DCLRE1A: variants seen among roughly 807,000 people sequenced by gnomAD.
The protein encoded by DCLRE1A is DNA cross-link repair 1A protein.
Under a neutral mutation model 91.9 loss-of-function variants are expected in DCLRE1A, and 64 were observed. The ratio of observed to expected loss-of-function variants is 0.70; its 90% confidence interval spans 0.57 to 0.86. DCLRE1A has a LOEUF of 0.86. Ranked by LOEUF, DCLRE1A falls within the 40% of genes least tolerant of loss-of-function variation. The pLI is 0.00. For missense variants in DCLRE1A, 1,145 were observed against 1,213.3 expected (o/e 0.94, Z 0.84); for synonymous variants, 416 against 431.1 (o/e 0.96, Z 0.43).
At chr10:113,842,560 T>C in intron 5 of DCLRE1A, 72 bp from the exon 6 acceptor site, 1 of 1,465,510 alleles carries the variant, frequency 6.8e-7, no homozygotes, top group East Asian at 2.3e-5. Context: ...GATGCTATTT[T>C]AGAAAACAAG....
chr10:113,852,934 A>G lies in DCLRE1A; in HGVS notation c.249T>C (p.Ser83=). Residue 83 remains serine (S), a synonymous_variant, in exon 1 of 9, where the codon AGT becomes AGC. Transcript: ENST00000361384. ...GGGTCTGCTGAATACCATCTCCACA[A>G]CTTGAATTCTGACTAGAAGCAACAG... is the stretch of plus-strand genomic sequence containing the variant. ...QTSVASSQNS[S]CGDGIQQTQD... is the part of the protein sequence containing the mutation. The G allele has an allele frequency of 6.2e-7, 1 of 1,614,096 alleles. No homozygotes were observed. The highest frequency in any genetic ancestry group is 8.5e-7 in the Non-Finnish European group (1 of 1,180,036).
rs575308917 is a variant in DCLRE1A, at chr10:113,844,669, C to T, written c.2379-425G>A. 2.2e-4 allele frequency among the ~76,000 whole-genome samples: 34 copies of T among 152,324 alleles called. 1 individual carries two copies. The highest frequency in any genetic ancestry group is 1.3e-3 in the East Asian group (7 of 5,190). On this transcript the variant is annotated intron_variant, in intron 4 of 8. Transcript: ENST00000361384. ...ATCAGAACTCGGCCAGGCATGGTGG[C>T]TCACGCCTGTAATCCCAGCACTTTG...
rs562897175 is a variant in DCLRE1A, at chr10:113,839,074, C to T, written c.2821-1871G>A. On this transcript the variant is annotated intron_variant, in intron 7 of 8. Transcript: ENST00000361384. ...GGCGTGGTGGCTCACGCATGTATTC[C>T]CAGCACTTTGGGAGGCCAAGGCGGG... 1.6e-4 allele frequency among the ~76,000 whole-genome samples: 24 copies of T among 152,158 alleles called. 1 individual carries two copies. The South Asian group carries it at 4.8e-3, about 30-fold the overall frequency.
Position 113,847,322 on chromosome 10 carries a change from T to C in DCLRE1A, c.2139A>G (p.Thr713=), listed in dbSNP as rs1845555744. 1 of 1,613,508 alleles carries C rather than the reference T, an allele frequency of 6.2e-7. No homozygotes were observed. The highest frequency in any genetic ancestry group is 1.3e-5 in the African/African-American group (1 of 74,928). The change falls in exon 3 of 9, where the codon ACA becomes ACG. Residue 713 remains threonine (T), a synonymous_variant. Coordinates refer to ENST00000361384, the MANE Select transcript of DCLRE1A (RefSeq NM_014881.5). ...FYKKIPGTGF[T]VDAFQYGVVE... ...CCACGCCATACTGAAAGGCATCAAC[T>C]GTAAAGCCGGTTCCTGCAATAAAAA...
chr10:113,837,556 T>G (rs1353053139), intron 7 of DCLRE1A, among the ~76,000 whole-genome samples: 5 of 152,066 alleles, frequency 3.3e-5, no homozygotes. Flanking sequence ...ATATCAACAA[T>G]GGTAAACACC....
intron 4 of DCLRE1A, 145 bp from the exon 5 acceptor site, chr10:113,844,389 T>G: frequency 9.0e-7 from 1 of 1,112,372 alleles, no homozygotes; most frequent in Non-Finnish European, 1.2e-6. Flanking sequence ...GCACTTCAAC[T>G]CAAGGAAATT....
At chr10:113,839,452 A>G (rs969809537) in intron 7 of DCLRE1A, among the ~76,000 whole-genome samples, 3 of 152,002 alleles carry the variant, frequency 2.0e-5, no homozygotes, top group Non-Finnish European at 4.4e-5. Flanking sequence ...TTGTGAATGT[A>G]TCATCTATTC....
chr10:113,845,651 A>C (rs1845524613), intron 4 of DCLRE1A, 34 bp downstream of exon 4: 7 of 1,515,484 alleles, frequency 4.6e-6, no homozygotes, highest in Non-Finnish European at 6.4e-6. Flanking sequence ...TGAACATTTA[A>C]AAAATGTGCT....
chr10:113,845,346 A>G (rs533972837), intron 4 of DCLRE1A, among the ~76,000 whole-genome samples: 1 of 152,340 alleles, frequency 6.6e-6, no homozygotes, highest in Non-Finnish European at 1.5e-5. Context: ...TAATTTATGT[A>G]AATGATAAAT....
At chr10:113,852,606 T>G in intron 1 of DCLRE1A, 117 bp downstream of exon 1, 1 of 958,844 alleles carries the variant, frequency 1.0e-6, no homozygotes, top group Non-Finnish European at 1.5e-6. Context: ...TGTTTCCCAG[T>G]GTCTCATCTC....
At chr10:113,837,722 A>G (rs1845385169) in intron 7 of DCLRE1A, among the ~76,000 whole-genome samples, 1 of 152,190 alleles carries the variant, frequency 6.6e-6, no homozygotes, top group African/African-American at 2.4e-5. Context: ...CCCTTTAAAC[A>G]TGAACTAGAT....
Position 113,852,623 on chromosome 10 carries a change from AG to A in DCLRE1A, c.460+99del, listed in dbSNP as rs2134673655. Reference sequence around the variant, plus strand: ...TTTCCCAGTGTCTCATCTCTCTTTTAGGTTACTGCTTGCCTTCCTTGTTTCA... The same window carrying A: ...TTTCCCAGTGTCTCATCTCTCTTTTAGTTACTGCTTGCCTTCCTTGTTTCA... On this transcript the variant is annotated intron_variant, in intron 1 of 8. Transcript: ENST00000361384. The A allele has an allele frequency of 2.6e-6, 3 of 1,164,534 alleles. No homozygotes were observed. In the East Asian group the frequency reaches 7.7e-5, roughly 30 times the overall value. The allele number at this position is 1,164,534 out of a possible 1,614,324, so 72.1% of individuals were successfully genotyped here. A position where few individuals can be genotyped will look rare whatever the true frequency, so the allele number is the denominator to read the frequency against.
intron 7 of DCLRE1A, among the ~76,000 whole-genome samples, chr10:113,839,275 A>G (rs1321023050): frequency 6.7e-6 from 1 of 150,196 alleles, no homozygotes; most frequent in East Asian, 1.9e-4. Flanking sequence ...CAGTGAGCCA[A>G]GACCATGCCA....
intron 1 of DCLRE1A, among the ~76,000 whole-genome samples, chr10:113,852,190 G>T (rs1407361999): frequency 6.6e-6 from 1 of 152,174 alleles, no homozygotes; most frequent in African/African-American, 2.4e-5. Context: ...CAAAAAATTA[G>T]CCGGGTGCGG....
In DCLRE1A at chr10:113,848,170, A is replaced by T. The variant is rs1341118699; in HGVS notation, c.2125+810T>A. Among the ~76,000 whole-genome samples the T allele has an allele frequency of 5.3e-5, 8 of 152,224 alleles. No individual in the cohort carries two copies. The East Asian group carries it at 1.5e-3, about 29-fold the overall frequency. On this transcript the variant is annotated intron_variant, in intron 2 of 8. Transcript: ENST00000361384. ...CTACTAAAAATATGAAAAAAAAATT[A>T]GCCGGGCGTTGTGGCGGGTGCCTGT...
chr10:113,836,729 C>A (rs1004074607), intron 8 of DCLRE1A, among the ~76,000 whole-genome samples: 5 of 152,120 alleles, frequency 3.3e-5, no homozygotes, highest in African/African-American at 1.2e-4. Flanking sequence ...CACATCTAAC[C>A]CATCATCTTC....
chr10:113,840,553 T>A (rs547198213), intron 7 of DCLRE1A, among the ~76,000 whole-genome samples: 1 of 152,136 alleles, frequency 6.6e-6, no homozygotes, highest in African/African-American at 2.4e-5. Context: ...TTCTCTTATC[T>A]TAGATTCTCC....
intron 7 of DCLRE1A, among the ~76,000 whole-genome samples, chr10:113,839,911 G>A (rs1468509489): frequency 6.6e-6 from 1 of 151,996 alleles, no homozygotes; most frequent in African/African-American, 2.4e-5. Context: ...ATGACTCCAG[G>A]TCACTCCTCC....
Position 113,837,145 on chromosome 10 carries a change from C to T in DCLRE1A, c.2879G>A (p.Arg960Gln), listed in dbSNP as rs749060292. The change falls in exon 8 of 9, where the codon CGA becomes CAA. Residue 960 changes from arginine (R) to glutamine (Q), a missense_variant. Transcript: ENST00000361384. The stretch of plus-strand genomic sequence containing the variant: ...GTTAGAGTGTGTCCATCCTGTAGGT[C>T]GAAATGCCAAAATCTGATTGTATTT... The part of the protein sequence containing the change: ...GGKYNQILAF[R>Q]PTGWTHSNKF... The T allele has an allele frequency of 6.2e-6, 10 of 1,613,176 alleles. No homozygotes were observed. The highest frequency in any genetic ancestry group is 4.5e-5 in the East Asian group (2 of 44,804).
Sources: gnomAD v4.1 joint callset for allele counts (sites outside exome capture counted in the v4.1 genomes callset) on GRCh38, gnomAD v4.1.1 for gene constraint, MANE v1.5 for transcripts, NCBI Gene and HGNC (gene_info 2026-07-23, HGNC 2026-07-21) for gene names.